Variants in PEX5L observed in about 807,000 individuals in gnomAD.
The protein encoded by PEX5L is peroxisomal biogenesis factor 5 like.
In PEX5L, 30 loss-of-function variants were observed where a neutral mutation model predicts 84.0. That is an observed-to-expected ratio of 0.36 (90% confidence interval 0.27 to 0.48). The LOEUF (loss-of-function observed/expected upper bound fraction) is 0.48. PEX5L is among the 20% of genes least tolerant of loss of function. PEX5L has a pLI of 0.99. For synonymous variants in PEX5L, 270 were observed against 283.1 expected, an observed-to-expected ratio of 0.95 and a Z score of 0.46; for missense variants, 533 against 754.6, an observed-to-expected ratio of 0.71 and a Z score of 3.44.
intron 1 of PEX5L, among the ~76,000 whole-genome samples, chr3:179,996,325 G>T (rs1302899100): frequency 2.0e-5 from 3 of 152,208 alleles, no homozygotes; most frequent in Admixed American, 2.0e-4. Context: ...AAGGAACATA[G>T]AGTTGGATCA....
In PEX5L at chr3:179,801,803, T is replaced by C. The variant is rs747779014; in HGVS notation, c.*25A>G. 5 of 1,342,138 alleles carry C rather than the reference T, an allele frequency of 3.7e-6. No individual in the cohort carries two copies. In the South Asian group the frequency reaches 5.8e-5, roughly 16 times the overall value. 83.1% of individuals were successfully genotyped at this position (1,342,138 alleles called of 1,614,324 possible). A position where few individuals can be genotyped will look rare whatever the true frequency, so the allele number is the denominator to read the frequency against. On this transcript the variant is annotated 3_prime_UTR_variant, in exon 15 of 15. Transcript: ENST00000467460. ...CAGTACAATCACACAGATCAGGGAT[T>C]ATTAGTACTGGTATTATTCTTTCTT... is the stretch of plus-strand genomic sequence containing the variant.
At position 179,801,494 on chromosome 3, in the gene PEX5L, G is replaced by C. The variant is rs1444575211; in HGVS notation, c.*334C>G. 4.1e-6 allele frequency: 1 copy of C among 243,778 alleles called. No homozygotes were observed. Among genetic ancestry groups the C allele is most frequent in the Non-Finnish European group, 8.1e-6 (1 of 124,014 alleles). 15.1% of individuals were successfully genotyped at this position (243,778 alleles called of 1,614,324 possible). A position where few individuals can be genotyped will look rare whatever the true frequency, so the allele number is the denominator to read the frequency against. ...AACAAGTTCCTCAGATGTGTCATCA[G>C]CTGCAAGGGGAGACAAAAAACCCAA... On this transcript the variant is annotated 3_prime_UTR_variant, in exon 15 of 15. Transcript: ENST00000467460.
At chr3:179,846,131 C>A (rs1739237624) in intron 8 of PEX5L, among the ~76,000 whole-genome samples, 1 of 152,100 alleles carries the variant, frequency 6.6e-6, no homozygotes, top group Admixed American at 6.6e-5. Context: ...GGGCACACCA[C>A]TGCACTCCAG....
intron 14 of PEX5L, chr3:179,804,338 T>C (rs2108695583): frequency 6.6e-6 from 1 of 152,230 alleles, no homozygotes. Flanking sequence ...TATATTGTCA[T>C]GATTAATAAA....
intron 3 of PEX5L, among the ~76,000 whole-genome samples, chr3:179,894,766 G>A (rs947943271): frequency 1.3e-5 from 2 of 151,918 alleles, no homozygotes; most frequent in Non-Finnish European, 2.9e-5. Context: ...CAAAGGCTGG[G>A]TTTGGAAAAA....
At chr3:179,913,214 C>T (rs1765786829) in intron 2 of PEX5L, among the ~76,000 whole-genome samples, 1 of 152,204 alleles carries the variant, frequency 6.6e-6, no homozygotes, top group East Asian at 1.9e-4. Flanking sequence ...ATTTCTTATA[C>T]TTAACAGCTG....
chr3:180,024,990 T>C (rs1790815089), intron 1 of PEX5L, among the ~76,000 whole-genome samples: 1 of 152,110 alleles, frequency 6.6e-6, no homozygotes, highest in Non-Finnish European at 1.5e-5. Context: ...ATTAGAAGAA[T>C]CTATTATATT....
intron 3 of PEX5L, among the ~76,000 whole-genome samples, chr3:179,894,684 C>CT (rs570241609): frequency 6.6e-6 from 1 of 152,080 alleles, no homozygotes. Flanking sequence ...GAGGACATTA[C>CT]TTTTTTATCT....
In PEX5L at chr3:179,898,242, T is replaced by C. The variant is rs1274387261; in HGVS notation, c.98A>G (p.Lys33Arg). 6.2e-7 allele frequency: 1 copy of C among 1,609,288 alleles called. No homozygotes were observed. The stretch of plus-strand genomic sequence containing the variant: ...AGCCTTATCTGCCGCCCTAGAGCCT[T>C]TTCCCTATAACAGTGAAATCAACAA... Reference protein sequence around the residue: ...LEIIVDQKQGKGSRAADKAVA... With the variant: ...LEIIVDQKQGRGSRAADKAVA... The change falls in exon 3 of 15, where the codon AAA becomes AGA. Residue 33 changes from lysine (K) to arginine (R), a missense_variant. Coordinates refer to ENST00000467460, the MANE Select transcript of PEX5L (RefSeq NM_016559.3).
chr3:179,903,821 T>C (rs1376552320), intron 2 of PEX5L, among the ~76,000 whole-genome samples: 1 of 152,256 alleles, frequency 6.6e-6, no homozygotes, highest in African/African-American at 2.4e-5. Context: ...CAGGACATGT[T>C]GGTTCTGTCT....
chr3:179,978,267 C>T (rs907252446), intron 1 of PEX5L, among the ~76,000 whole-genome samples: 2 of 152,050 alleles, frequency 1.3e-5, no homozygotes, highest in African/African-American at 4.8e-5. Context: ...GTTTATGAAG[C>T]ATCTTGAAAA....
chr3:179,903,161 T>C (rs980931206), intron 2 of PEX5L, among the ~76,000 whole-genome samples: 6 of 152,184 alleles, frequency 3.9e-5, no homozygotes, highest in Non-Finnish European at 8.8e-5. Context: ...ATGAATATAT[T>C]GAATATATTT....
chr3:179,854,100 C>A (rs1277904329), intron 8 of PEX5L, among the ~76,000 whole-genome samples: 1 of 146,492 alleles, frequency 6.8e-6, no homozygotes, highest in African/African-American at 2.5e-5. Context: ...ATGGTGAAAC[C>A]TCACCTCCCA....
intron 1 of PEX5L, among the ~76,000 whole-genome samples, chr3:180,001,159 C>G (rs767924996): frequency 1.3e-5 from 2 of 152,050 alleles, no homozygotes; most frequent in Non-Finnish European, 2.9e-5. Flanking sequence ...CTTCAAACTA[C>G]ATCTTTCTCC....
At chr3:179,989,252 C>G (rs181750337) in intron 1 of PEX5L, among the ~76,000 whole-genome samples, 139 of 152,250 alleles carry the variant, frequency 9.1e-4, no homozygotes, top group African/African-American at 3.1e-3. Flanking sequence ...GAAGTATCAC[C>G]ACGATCTAGG....
At chr3:179,958,775 A>G (rs945906199) in intron 2 of PEX5L, among the ~76,000 whole-genome samples, 1 of 152,202 alleles carries the variant, frequency 6.6e-6, no homozygotes, top group African/African-American at 2.4e-5. Flanking sequence ...TTGTAGGCCT[A>G]GAAAATCAAA....
chr3:179,909,210 A>G (rs1156381394), intron 2 of PEX5L, among the ~76,000 whole-genome samples: 1 of 152,164 alleles, frequency 6.6e-6, no homozygotes, highest in Non-Finnish European at 1.5e-5. Flanking sequence ...GTTGATGGAT[A>G]TTTGAGTTCT....
chr3:180,012,002 GA>G (rs1032104674), intron 1 of PEX5L, among the ~76,000 whole-genome samples: 6 of 152,162 alleles, frequency 3.9e-5, no homozygotes, highest in African/African-American at 1.2e-4. Flanking sequence ...CTTATAGAAA[GA>G]AAACAATCTT....
chr3:179,811,356 A>G (rs554070998), intron 11 of PEX5L, among the ~76,000 whole-genome samples: 1 of 152,182 alleles, frequency 6.6e-6, no homozygotes, highest in East Asian at 1.9e-4. Context: ...CTACTTTTCC[A>G]GGGTTTAAAT....
Sources: allele counts gnomAD v4.1 joint callset (sites outside exome capture counted in the v4.1 genomes callset), GRCh38; gene constraint gnomAD v4.1.1; transcripts MANE v1.5; gene names NCBI Gene and HGNC (gene_info 2026-07-23, HGNC 2026-07-21).